Variants in KIRREL3 observed in about 807,000 individuals in gnomAD.
KIRREL3 encodes the protein kin of IRRE-like protein 3.
In KIRREL3, 36 loss-of-function variants were observed where a neutral mutation model predicts 89.7. That is an observed-to-expected ratio of 0.40 (90% CI 0.31 to 0.53). The LOEUF is 0.53. Ranked by LOEUF, KIRREL3 falls within the 20% of genes least tolerant of loss-of-function variation. The pLI is 0.49. For synonymous variants in KIRREL3, 445 were observed against 441.4 expected, an observed-to-expected ratio of 1.01 and a Z score of -0.10; for missense variants, 864 against 1,056.6, an observed-to-expected ratio of 0.82 and a Z score of 2.53.
chr11:126,602,241 C>G (rs1203519437), intron 1 of KIRREL3, among the ~76,000 whole-genome samples: 4 of 152,106 alleles, frequency 2.6e-5, no homozygotes, highest in Non-Finnish European at 4.4e-5. Context: ...AGAGGTGGCT[C>G]CAGCAGGGAG....
At chr11:126,979,945 T>A (rs939246814) in intron 1 of KIRREL3, among the ~76,000 whole-genome samples, 8 of 152,146 alleles carry the variant, frequency 5.3e-5, no homozygotes, top group African/African-American at 2.4e-5. Flanking sequence ...TTTTAAAACA[T>A]TAGAGTTTCT....
chr11:126,625,955 A>G (rs1943767218), intron 1 of KIRREL3, among the ~76,000 whole-genome samples: 1 of 152,028 alleles, frequency 6.6e-6, no homozygotes, highest in Non-Finnish European at 1.5e-5. Flanking sequence ...CCTGCATTGG[A>G]ATTTGGATTT....
At chr11:126,919,909 C>T (rs545811047) in intron 1 of KIRREL3, among the ~76,000 whole-genome samples, 1 of 152,204 alleles carries the variant, frequency 6.6e-6, no homozygotes, top group South Asian at 2.1e-4. Flanking sequence ...AATATTGTTA[C>T]TAAACAATAG....
In KIRREL3 at chr11:126,725,256, G is replaced by T. The variant is rs528993867; in HGVS notation, c.56-162344C>A. Among the ~76,000 whole-genome samples, 97 of 152,356 alleles carry T rather than the reference G, an allele frequency of 6.4e-4. 1 individual carries two copies. Among genetic ancestry groups the T allele is most frequent in the Non-Finnish European group, 8.2e-4 (56 of 68,032 alleles). Reference sequence around the variant, plus strand: ...CATGAAGAATTAATCTCAAGGAGATGCTAGTGAGCTCCAGAGACTTAGCAT... The same window carrying T: ...CATGAAGAATTAATCTCAAGGAGATTCTAGTGAGCTCCAGAGACTTAGCAT... On this transcript the variant is annotated intron_variant, in intron 1 of 16. Coordinates refer to ENST00000525144, the MANE Select transcript of KIRREL3 (RefSeq NM_032531.4).
chr11:126,877,960 A>G lies in KIRREL3; in HGVS notation c.55+122495T>C, dbSNP rs1047244531. Among the ~76,000 whole-genome samples the G allele has an allele frequency of 2.0e-5, 3 of 152,156 alleles. No homozygotes were observed. The highest frequency in any genetic ancestry group is 4.8e-5 in the African/African-American group (2 of 41,426). On this transcript the variant is annotated intron_variant, in intron 1 of 16. Transcript: ENST00000525144. The surrounding 1 kb of genome is among the most constrained non-coding windows in gnomAD (Gnocchi z 4.9). ...GTCCAAGCTTCTCACTTCACCAATG[A>G]TGGGACCTAGAATCAAAGATATGGA...
At chr11:126,789,895 A>C (rs138566928) in intron 1 of KIRREL3, among the ~76,000 whole-genome samples, 5 of 152,306 alleles carry the variant, frequency 3.3e-5, no homozygotes, top group Non-Finnish European at 5.9e-5. Flanking sequence ...AATTCTGAAA[A>C]AATATAGCTG....
chr11:126,436,314 C>T (rs1955333348), intron 12 of KIRREL3, among the ~76,000 whole-genome samples: 1 of 152,214 alleles, frequency 6.6e-6, no homozygotes, highest in South Asian at 2.1e-4. Flanking sequence ...AGCCTGGGTG[C>T]CCTCTGTGGG....
intron 1 of KIRREL3, among the ~76,000 whole-genome samples, chr11:126,886,967 A>T (rs1945719506): frequency 6.6e-6 from 1 of 150,808 alleles, no homozygotes; most frequent in Non-Finnish European, 1.5e-5. Context: ...AGAAAAAAGG[A>T]TAATTGTTCT....
At chr11:126,784,237 A>G (rs1286273182) in intron 1 of KIRREL3, among the ~76,000 whole-genome samples, 1 of 152,260 alleles carries the variant, frequency 6.6e-6, no homozygotes, top group Admixed American at 6.5e-5. Context: ...AGTTCATAAT[A>G]ATGTATCCAT....
chr11:126,773,946 T>G lies in KIRREL3; in HGVS notation c.56-211034A>C, dbSNP rs923158778. Among the ~76,000 whole-genome samples the G allele has an allele frequency of 6.6e-6, 1 of 152,120 alleles. No homozygotes were observed. Among genetic ancestry groups the G allele is most frequent in the Non-Finnish European group, 1.5e-5 (1 of 68,042 alleles). On this transcript the variant is annotated intron_variant, in intron 1 of 16. Coordinates refer to ENST00000525144, the MANE Select transcript of KIRREL3 (RefSeq NM_032531.4). This position sits in a 1 kb window ranked among gnomAD's most constrained non-coding sequence, Gnocchi z 4.2. ...TCCACTCTTAACTCTTTTTTACTAT[T>G]GAATATCTTATCAAATAGGAACAAA...
rs748514656 is a variant in KIRREL3, at chr11:126,473,520, G to A, written c.434-54C>T. ...CCGAGGCTCCCACCTCGGGCAGGACGGCAGGCAGGCTGGGAGGATTTTGTG... is the reference window on the plus strand; with the variant it reads ...CCGAGGCTCCCACCTCGGGCAGGACAGCAGGCAGGCTGGGAGGATTTTGTG... On this transcript the variant is annotated intron_variant, in intron 4 of 16. Transcript: ENST00000525144. 352 of 1,451,500 alleles carry A rather than the reference G, an allele frequency of 2.4e-4. 1 individual carries two copies. The highest frequency in any genetic ancestry group is 3.1e-4 in the Non-Finnish European group (334 of 1,087,438). The allele number at this position is 1,451,500 out of a possible 1,614,324, so 89.9% of individuals were successfully genotyped here.
rs1236383439 is a variant in KIRREL3 at position 126,969,386 on chromosome 11, G to A, written c.55+31069C>T. On this transcript the variant is annotated intron_variant, in intron 1 of 16. Transcript: ENST00000525144. The surrounding 1 kb of genome is among the most constrained non-coding windows in gnomAD (Gnocchi z 4.9). ...CCTGCAGTGTGGCAGGTGTGAAGGT[G>A]GAGGTAAGTTTGGGGTGCTATGGGA... Among the ~76,000 whole-genome samples the A allele has an allele frequency of 6.6e-6, 1 of 152,164 alleles. No homozygotes were observed. The highest frequency in any genetic ancestry group is 1.5e-5 in the Non-Finnish European group (1 of 68,050).
At chr11:126,789,863 C>A (rs114791339) in intron 1 of KIRREL3, among the ~76,000 whole-genome samples, 2,717 of 152,288 alleles carry the variant, frequency 0.018, 85 homozygotes, top group African/African-American at 0.062. Flanking sequence ...TCTTTCTGGG[C>A]TGTACTCTCT....
rs1462042105 is a variant in KIRREL3 at position 126,461,821 on chromosome 11, C to A, written c.742+1336G>T. Among the ~76,000 whole-genome samples, 3 of 152,108 alleles carry A rather than the reference C, an allele frequency of 2.0e-5. No individual in the cohort carries two copies. The East Asian group carries it at 5.8e-4, about 29-fold the overall frequency. ...TCCACAAGGCTTAGAGAAATCAGGGCTGTTAGGAAGTGTTTTTAAATGCAC... is the reference window on the plus strand; with the variant it reads ...TCCACAAGGCTTAGAGAAATCAGGGATGTTAGGAAGTGTTTTTAAATGCAC... On this transcript the variant is annotated intron_variant, in intron 6 of 16. Transcript: ENST00000525144.
chr11:126,794,079 T>C (rs1248608427), intron 1 of KIRREL3, among the ~76,000 whole-genome samples: 1 of 152,240 alleles, frequency 6.6e-6, no homozygotes, highest in Non-Finnish European at 1.5e-5. Context: ...TATTATAGTA[T>C]GCTTTCTTAC....
Position 126,585,526 on chromosome 11 carries a change from G to T in KIRREL3, c.56-22614C>A, listed in dbSNP as rs117752197. Among the ~76,000 whole-genome samples the T allele has an allele frequency of 3.3e-3, 507 of 152,260 alleles. 3 individuals carry two copies. Among genetic ancestry groups the T allele is most frequent in the Admixed American group, 0.012 (183 of 15,284 alleles). The stretch of plus-strand genomic sequence containing the variant: ...TGGAATCACAGGCATGAGCCACCGC[G>T]CCCGGCCAGGAATTAACCTTCACCA... On this transcript the variant is annotated intron_variant, in intron 1 of 16. Coordinates refer to ENST00000525144, the MANE Select transcript of KIRREL3 (RefSeq NM_032531.4).
Position 126,965,316 on chromosome 11 carries a change from C to T in KIRREL3, c.55+35139G>A, listed in dbSNP as rs892877700. 2.0e-5 allele frequency among the ~76,000 whole-genome samples: 3 copies of T among 152,164 alleles called. No homozygotes were observed. The highest frequency in any genetic ancestry group is 6.5e-5 in the Admixed American group (1 of 15,274). On this transcript the variant is annotated intron_variant, in intron 1 of 16. Coordinates refer to ENST00000525144, the MANE Select transcript of KIRREL3 (RefSeq NM_032531.4). This position sits in a 1 kb window ranked among gnomAD's most constrained non-coding sequence, Gnocchi z 4.4. ...ATTGTATTGCTTATTTACAGAGATG[C>T]TTTTCGGCATTTACCCATGATAAAC...
In KIRREL3 at chr11:126,685,029, C is replaced by T. The variant is rs749075556; in HGVS notation, c.56-122117G>A. On this transcript the variant is annotated intron_variant, in intron 1 of 16. Coordinates refer to ENST00000525144, the MANE Select transcript of KIRREL3 (RefSeq NM_032531.4). This position sits in a 1 kb window ranked among gnomAD's most constrained non-coding sequence, Gnocchi z 5.5. ...TTCTCCTCCTCTAATATGGAAGGAACGTTAGACACACATTCCTGTAGATGC... is the reference window on the plus strand; with the variant it reads ...TTCTCCTCCTCTAATATGGAAGGAATGTTAGACACACATTCCTGTAGATGC... Among the ~76,000 whole-genome samples the T allele has an allele frequency of 2.6e-5, 4 of 152,012 alleles. No individual in the cohort carries two copies. Among genetic ancestry groups the T allele is most frequent in the Non-Finnish European group, 4.4e-5 (3 of 68,034 alleles).
rs547055825 is a variant in KIRREL3 at position 126,860,561 on chromosome 11, G to A, written c.55+139894C>T. 3.3e-5 allele frequency among the ~76,000 whole-genome samples: 5 copies of A among 152,306 alleles called. No individual in the cohort carries two copies. Among genetic ancestry groups the A allele is most frequent in the African/African-American group, 4.8e-5 (2 of 41,574 alleles). On this transcript the variant is annotated intron_variant, in intron 1 of 16. Coordinates refer to ENST00000525144, the MANE Select transcript of KIRREL3 (RefSeq NM_032531.4). The surrounding 1 kb of genome is among the most constrained non-coding windows in gnomAD (Gnocchi z 4.6). Reference sequence around the variant, plus strand: ...TGGGTGTGGCCAGGCAGCAGGCGGCGTGGAGGCAGAGGGGCCAGGCAGCCA... The same window carrying A: ...TGGGTGTGGCCAGGCAGCAGGCGGCATGGAGGCAGAGGGGCCAGGCAGCCA...
Sources: allele counts gnomAD v4.1 joint callset (sites outside exome capture counted in the v4.1 genomes callset), GRCh38; gene constraint gnomAD v4.1.1; non-coding constraint Gnocchi (gnomAD v3.1); transcripts MANE v1.5; gene names NCBI Gene and HGNC (gene_info 2026-07-23, HGNC 2026-07-21).